The following DNAAF1 variants were observed in gnomAD, a reference collection of about 807,000 sequenced individuals.
The protein encoded by DNAAF1 is dynein assembly factor 1, axonemal.
DNAAF1 carries 65 observed loss-of-function variants against 71.1 expected under a neutral mutation model. That is an observed-to-expected ratio of 0.91 (90% CI 0.75 to 1.12). The LOEUF (loss-of-function observed/expected upper bound fraction) is 1.12. Ranked by LOEUF, DNAAF1 falls within the 50% of genes most tolerant of loss-of-function variation. The pLI is 0.00. For synonymous variants in DNAAF1, 414 were observed against 354.6 expected, an observed-to-expected ratio of 1.17 and a Z score of -1.88; for missense variants, 1,178 against 899.8, an observed-to-expected ratio of 1.31 and a Z score of -3.96.
rs1376964064 is a variant in DNAAF1 at position 84,149,078 on chromosome 16, G to T, written c.196G>T (p.Gly66Cys). 6.2e-7 allele frequency: 1 copy of T among 1,614,138 alleles called. No homozygotes were observed. The highest frequency in any genetic ancestry group is 1.7e-5 in the Admixed American group (1 of 60,020). ...CTACCACAGCCAGCAGAAACAGAGT[G>T]GTGATAATGGGTCAGGTGGTCACTT... ...TSYHSQQKQSGDNGSGGHFAH... is the reference protein window; with the variant it reads ...TSYHSQQKQSCDNGSGGHFAH... The change falls in exon 2 of 12, where the codon GGT becomes TGT. Residue 66 changes from glycine (G) to cysteine (C), a missense_variant. Transcript: ENST00000378553.
At chr16:84,146,333 C>A (rs1464588874) in intron 1 of DNAAF1, among the ~76,000 whole-genome samples, 1 of 152,192 alleles carries the variant, frequency 6.6e-6, no homozygotes, top group Non-Finnish European at 1.5e-5. Flanking sequence ...TAGTCCAGTG[C>A]CTGACCTAGG....
chr16:84,151,908 G>A (rs1184198650), intron 3 of DNAAF1, among the ~76,000 whole-genome samples: 1 of 152,206 alleles, frequency 6.6e-6, no homozygotes, highest in Non-Finnish European at 1.5e-5. Flanking sequence ...AGGAAGCAAG[G>A]CCAAGACAAA....
intron 6 of DNAAF1, among the ~76,000 whole-genome samples, chr16:84,160,948 A>G (rs2087679897): frequency 6.6e-6 from 1 of 151,922 alleles, no homozygotes; most frequent in Non-Finnish European, 1.5e-5. Flanking sequence ...AAAAAAAAAA[A>G]AAAAAGAAAA....
At chr16:84,145,610 G>T in intron 1 of DNAAF1, 46 bp downstream of exon 1, 1 of 1,536,822 alleles carries the variant, frequency 6.5e-7, no homozygotes, top group Non-Finnish European at 8.8e-7. Context: ...GGGCAGACAC[G>T]GCTAGGCGCT....
chr16:84,145,909 A>C (rs1486804557), intron 1 of DNAAF1, among the ~76,000 whole-genome samples: 4 of 152,110 alleles, frequency 2.6e-5, no homozygotes. Flanking sequence ...CAGCCTGGCC[A>C]ACATAGTGAA....
chr16:84,151,024 T>C (rs934650871), intron 3 of DNAAF1, among the ~76,000 whole-genome samples: 1 of 152,176 alleles, frequency 6.6e-6, no homozygotes, highest in East Asian at 1.9e-4. Context: ...TGAGGATCTT[T>C]GGATGCCTCT....
At chr16:84,147,773 A>T (rs2086981731) in intron 1 of DNAAF1, among the ~76,000 whole-genome samples, 1 of 152,146 alleles carries the variant, frequency 6.6e-6, no homozygotes, top group Non-Finnish European at 1.5e-5. Context: ...AAAAAAAATA[A>T]AAATAAATAA....
chr16:84,146,092 G>A (rs552365745), intron 1 of DNAAF1, among the ~76,000 whole-genome samples: 2 of 151,508 alleles, frequency 1.3e-5, no homozygotes, highest in Admixed American at 6.6e-5. Flanking sequence ...GGGAGACTCC[G>A]TCTCAAACAA....
chr16:84,164,297 T>C (rs2087859899), intron 6 of DNAAF1, among the ~76,000 whole-genome samples: 1 of 152,222 alleles, frequency 6.6e-6, no homozygotes, highest in South Asian at 2.1e-4. Context: ...TCTTTAGGGC[T>C]CACACTTGGT....
rs565199726 is a variant in DNAAF1, at chr16:84,145,513, G to C, written c.73G>C (p.Glu25Gln). ...ELDCAQEPGV[E>Q]ESAGDHGSAG... Reference sequence around the variant, plus strand: ...GGATTGCGCGCAGGAGCCCGGCGTGGAGGAGTCTGCGGGTGACCACGGGAG... The same window carrying C: ...GGATTGCGCGCAGGAGCCCGGCGTGCAGGAGTCTGCGGGTGACCACGGGAG... Residue 25 changes from glutamate to glutamine, a missense_variant, in exon 1 of 12, where the codon GAG becomes CAG. Coordinates refer to ENST00000378553, the MANE Select transcript of DNAAF1 (RefSeq NM_178452.6). The C allele has an allele frequency of 2.6e-6, 4 of 1,560,026 alleles. No homozygotes were observed. Among genetic ancestry groups the C allele is most frequent in the African/African-American group, 2.7e-5 (2 of 74,016 alleles).
At chr16:84,166,070 G>C in intron 7 of DNAAF1, 121 bp downstream of exon 7, 1 of 1,265,798 alleles carries the variant, frequency 7.9e-7, no homozygotes, top group South Asian at 1.3e-5. Context: ...TTTTTAGACA[G>C]AGTCTTGCTC....
rs377511971 is a variant in DNAAF1, at chr16:84,155,883, G to A, written c.741+134G>A. 10 of 1,222,932 alleles carry A rather than the reference G, an allele frequency of 8.2e-6. No homozygotes were observed. The African/African-American group carries it at 1.2e-4, about 15-fold the overall frequency. The allele number at this position is 1,222,932 out of a possible 1,614,324, so 75.8% of individuals were successfully genotyped here. On this transcript the variant is annotated intron_variant, in intron 5 of 11. Coordinates refer to ENST00000378553, the MANE Select transcript of DNAAF1 (RefSeq NM_178452.6). ...CCTTTTTCACACTTTTTTCCTCTTT[G>A]TGTTTTTAGCTGGAGTATCTGAAAT... is the stretch of plus-strand genomic sequence containing the variant.
rs200161964 is a variant in DNAAF1 at position 84,159,813 on chromosome 16, C to A, written c.863+17C>A. On this transcript the variant is annotated intron_variant, in intron 6 of 11. Coordinates refer to ENST00000378553, the MANE Select transcript of DNAAF1 (RefSeq NM_178452.6). ...AAAGGACAGGTAAGAAGAGAAAAGC[C>A]TTCTGATCACATTTTAATATTTAGT... The A allele has an allele frequency of 5.0e-6, 8 of 1,612,814 alleles. No homozygotes were observed. Among genetic ancestry groups the A allele is most frequent in the Non-Finnish European group, 6.8e-6 (8 of 1,179,398 alleles).
At chr16:84,176,580 T>G in intron 11 of DNAAF1, 1 of 529,624 alleles carries the variant, frequency 1.9e-6, no homozygotes. Context: ...CCTGTGGTCA[T>G]GCAGATCTCC....
intron 3 of DNAAF1, among the ~76,000 whole-genome samples, chr16:84,150,578 C>T (rs2087134819): frequency 6.6e-6 from 1 of 150,874 alleles, no homozygotes; most frequent in Non-Finnish European, 1.5e-5. Flanking sequence ...CATTATCTTT[C>T]ATTTTTGTTT....
chr16:84,160,829 AGT>A, intron 6 of DNAAF1, among the ~76,000 whole-genome samples: 1 of 109,070 alleles, frequency 9.2e-6, no homozygotes, highest in African/African-American at 4.5e-5. Context: ...CAGCTACTCG[AGT>A]GGAGGCTGAG....
chr16:84,162,310 G>A (rs2087751233), intron 6 of DNAAF1: 2 of 152,090 alleles, frequency 1.3e-5, no homozygotes, highest in African/African-American at 2.4e-5. Flanking sequence ...CGTATTTAAA[G>A]TGTACAATGT....
rs67628212 is a variant in DNAAF1 at position 84,174,836 on chromosome 16, T to C, written c.1698+114T>C. The C allele has an allele frequency of 0.33, 445,912 of 1,337,970 alleles. 77,398 individuals are homozygous for C. The highest frequency in any genetic ancestry group is 0.44 in the Admixed American group (23,940 of 54,282). The allele number at this position is 1,337,970 out of a possible 1,614,324, so 82.9% of individuals were successfully genotyped here. A position where few individuals can be genotyped will look rare whatever the true frequency, so the allele number is the denominator to read the frequency against. On this transcript the variant is annotated intron_variant, in intron 10 of 11. Coordinates refer to ENST00000378553, the MANE Select transcript of DNAAF1 (RefSeq NM_178452.6). The stretch of plus-strand genomic sequence containing the variant: ...TAAAATGTTCCCTGTGCATAAAGCA[T>C]TGAATTCCCCCATATTCTTTTTCTT...
At chr16:84,161,043 G>C (rs2087686218) in intron 6 of DNAAF1, among the ~76,000 whole-genome samples, 1 of 152,130 alleles carries the variant, frequency 6.6e-6, no homozygotes, top group Admixed American at 6.5e-5. Context: ...GACGGGGAGA[G>C]CAGCCAGTGT....
Sources: gnomAD v4.1 joint callset for allele counts (sites outside exome capture counted in the v4.1 genomes callset) on GRCh38, gnomAD v4.1.1 for gene constraint, MANE v1.5 for transcripts, NCBI Gene and HGNC (gene_info 2026-07-23, HGNC 2026-07-21) for gene names.